The following DST variants were observed in gnomAD, a reference collection of about 807,000 sequenced individuals.
DST encodes the protein dystonin.
In DST, 253 loss-of-function variants were observed where a neutral mutation model predicts 875.2. The observed-to-expected ratio is 0.29, with a 90% confidence interval of 0.26 to 0.32. The LOEUF is 0.32. DST is among the 10% of genes least tolerant of loss of function. DST has a pLI of 1.00. For synonymous variants in DST, 3,124 were observed against 3,197.1 expected (o/e 0.98, Z 0.77); for missense variants, 8,287 against 9,111.6 (o/e 0.91, Z 3.68).
chr6:56,686,172 C>G (rs1469638892), intron 9 of DST, among the ~76,000 whole-genome samples: 2 of 152,206 alleles, frequency 1.3e-5, no homozygotes, highest in African/African-American at 2.4e-5. Context: ...AGCTGGAAGC[C>G]ATTACACTAA....
At chr6:56,672,331 T>C (rs945392191) in intron 9 of DST, among the ~76,000 whole-genome samples, 23 of 152,174 alleles carry the variant, frequency 1.5e-4, no homozygotes, top group Admixed American at 7.9e-4. Context: ...CTCTCAGCCA[T>C]AGTCTGAGAC....
intron 4 of DST, among the ~76,000 whole-genome samples, chr6:56,747,843 A>C (rs2152947900): frequency 6.6e-6 from 1 of 152,326 alleles, no homozygotes; most frequent in East Asian, 1.9e-4. Context: ...TGGTGTTTTA[A>C]AGTATTCAGT....
At chr6:56,662,389 A>G (rs2099048365) in intron 10 of DST, among the ~76,000 whole-genome samples, 1 of 152,220 alleles carries the variant, frequency 6.6e-6, no homozygotes, top group African/African-American at 2.4e-5. Context: ...AATATCCATC[A>G]ATAAGGCACT....
At chr6:56,822,158 A>G (rs1338328728) in intron 4 of DST, among the ~76,000 whole-genome samples, 3 of 152,220 alleles carry the variant, frequency 2.0e-5, no homozygotes, top group African/African-American at 4.8e-5. Context: ...CAGAGACGGG[A>G]TTTATTCTCC....
intron 4 of DST, among the ~76,000 whole-genome samples, chr6:56,847,303 G>C (rs562624377): frequency 6.6e-6 from 1 of 152,210 alleles, no homozygotes; most frequent in Non-Finnish European, 1.5e-5. Flanking sequence ...CTGGGCAACA[G>C]AGCAAACCCT....
At chr6:56,631,622 C>T (rs181888750) in intron 29 of DST, among the ~76,000 whole-genome samples, 4 of 152,278 alleles carry the variant, frequency 2.6e-5, no homozygotes, top group Non-Finnish European at 4.4e-5. Flanking sequence ...TTGCACACAG[C>T]AGGTGTATAA....
chr6:56,626,892 A>G (rs1279146027), intron 34 of DST, among the ~76,000 whole-genome samples: 3 of 152,256 alleles, frequency 2.0e-5, no homozygotes, highest in East Asian at 3.9e-4. Context: ...TGAGAAAGTT[A>G]GAAGCTCTCC....
intron 4 of DST, among the ~76,000 whole-genome samples, chr6:56,835,574 T>C (rs1281709641): frequency 6.6e-6 from 1 of 152,160 alleles, no homozygotes; most frequent in Non-Finnish European, 1.5e-5. Context: ...AGTACTTGAG[T>C]TCTTAGATCT....
intron 63 of DST, among the ~76,000 whole-genome samples, chr6:56,534,212 AAAATTTT>A (rs1381100907): frequency 1.3e-5 from 2 of 152,194 alleles, no homozygotes; most frequent in Admixed American, 6.5e-5. Flanking sequence ...AAATTAATGT[AAAATTTT>A]AAAAAATTTC....
intron 36 of DST, chr6:56,618,482 T>TCAACA: frequency 6.2e-7 from 1 of 1,614,230 alleles, no homozygotes; most frequent in South Asian, 1.1e-5. Context: ...TTTGATCTGT[T>TCAACA]GGTCCATTTT....
Position 56,572,229 on chromosome 6 carries a change from A to G in DST, c.13592T>C (p.Leu4531Pro), listed in dbSNP as rs760912540. 6.3e-7 allele frequency: 1 copy of G among 1,576,246 alleles called. No individual in the cohort carries two copies. Among genetic ancestry groups the G allele is most frequent in the Non-Finnish European group, 8.6e-7 (1 of 1,160,404 alleles). ...CTTCAAGAGACTATGCAAAACTTCA[A>G]GATGTTTCTTGTGTTCTAAAAATTC... ...TSEFLEHKKH[L>P]EVLHSLLKEI... Residue 4531 changes from leucine to proline, a missense_variant, in exon 53 of 104, where the codon CTT becomes CCT. Physicochemically the swap from Leu to Pro is moderately conservative, Grantham distance 98. Coordinates refer to ENST00000680361, the MANE Select transcript of DST (RefSeq NM_001374736.1).
chr6:56,670,826 G>A lies in DST; in HGVS notation c.1048-19C>T. 6.5e-7 allele frequency: 1 copy of A among 1,543,844 alleles called. No individual in the cohort carries two copies. On this transcript the variant is annotated intron_variant, in intron 9 of 103. Coordinates refer to ENST00000680361, the MANE Select transcript of DST (RefSeq NM_001374736.1). The stretch of plus-strand genomic sequence containing the variant: ...CAGATATCTAGATATAACAGAAAGT[G>A]TTAAACCTTTAGGAAGGAAGGAAGC...
At chr6:56,793,685 G>A (rs1487915587) in intron 4 of DST, among the ~76,000 whole-genome samples, 6 of 152,164 alleles carry the variant, frequency 3.9e-5, no homozygotes, top group Non-Finnish European at 7.3e-5. Flanking sequence ...GCATGAACAT[G>A]CAGTGAAGAA....
Position 56,532,409 on chromosome 6 carries a change from C to T in DST, c.17043G>A (p.Lys5681=), listed in dbSNP as rs1451801483. The stretch of plus-strand genomic sequence containing the variant: ...CCAAGAGACTGAGCTGTTTCAAAAT[C>T]TTCACTTTATCTGCGGGCTCTGCTG... ...ATTAEPADKV[K]ILKQLSLLDS... Residue 5681 remains lysine (K), a synonymous_variant, in exon 64 of 104, where the codon AAG becomes AAA. Transcript: ENST00000680361. The T allele has an allele frequency of 1.2e-6, 2 of 1,613,644 alleles. No individual in the cohort carries two copies. The highest frequency in any genetic ancestry group is 2.2e-5 in the East Asian group (1 of 44,858).
intron 49 of DST, among the ~76,000 whole-genome samples, chr6:56,581,145 C>T (rs538611976): frequency 6.6e-6 from 1 of 150,952 alleles, no homozygotes; most frequent in African/African-American, 2.4e-5. Flanking sequence ...TTTTGGGACC[C>T]TCCTCCAGAA....
chr6:56,461,890 T>C (rs1026274063), intron 102 of DST: 1 of 152,128 alleles, frequency 6.6e-6, no homozygotes, highest in African/African-American at 2.4e-5. Flanking sequence ...CTTGGGAAAA[T>C]GAGGAGGAAG....
chr6:56,618,480 G>C, intron 36 of DST: 1 of 1,614,146 alleles, frequency 6.2e-7, no homozygotes, highest in Non-Finnish European at 8.5e-7. Context: ...TCTTTGATCT[G>C]TTGGTCCATT....
chr6:56,743,274 C>A (rs3002003), intron 4 of DST, among the ~76,000 whole-genome samples: 37,823 of 151,814 alleles, frequency 0.25, 6,450 homozygotes, highest in African/African-American at 0.48. Context: ...TTCCAAAAAA[C>A]AAACAAACAA....
At position 56,529,648 on chromosome 6, in the gene DST, G is replaced by C. The variant is rs2096861347; in HGVS notation, c.17395C>G (p.Gln5799Glu). 1.2e-6 allele frequency: 2 copies of C among 1,613,662 alleles called. No homozygotes were observed. The highest frequency in any genetic ancestry group is 2.7e-5 in the African/African-American group (2 of 74,890). ...TCTTGAATCTCAATGTACCATACTTGAGAGAAGTCTAATTTACTCTGCACC... is the reference window on the plus strand; with the variant it reads ...TCTTGAATCTCAATGTACCATACTTCAGAGAAGTCTAATTTACTCTGCACC... The part of the protein sequence containing the change: ...DMVQSKLDFS[Q>E]VWYIEIQEKS... The change falls in exon 66 of 104, where the codon CAA (glutamine) becomes GAA (glutamate). Residue 5799 changes from glutamine (Q) to glutamate (E), a missense_variant. Physicochemically the swap from Gln to Glu is conservative, Grantham distance 29. Coordinates refer to ENST00000680361, the MANE Select transcript of DST (RefSeq NM_001374736.1).
Sources: allele counts gnomAD v4.1 joint callset (sites outside exome capture counted in the v4.1 genomes callset), GRCh38; gene constraint gnomAD v4.1.1; transcripts MANE v1.5; gene names NCBI Gene and HGNC (gene_info 2026-07-23, HGNC 2026-07-21).